ZNF248: variants seen among roughly 807,000 people sequenced by gnomAD.
ZNF248 encodes the protein zinc finger protein 248.
ZNF248 carries 20 observed loss-of-function variants against 44.3 expected under a neutral mutation model. That is an observed-to-expected ratio of 0.45 (90% CI 0.32 to 0.66). ZNF248 has a LOEUF of 0.66. Ranked by LOEUF, ZNF248 falls within the 30% of genes least tolerant of loss-of-function variation. The probability of loss-of-function intolerance (pLI) is 0.04; values close to 1 mark genes in which losing one functional copy is unlikely to be tolerated. For missense variants in ZNF248, 654 were observed against 677.0 expected, an observed-to-expected ratio of 0.97 and a Z score of 0.38; for synonymous variants, 224 against 229.0, an observed-to-expected ratio of 0.98 and a Z score of 0.20.
chr10:37,771,340 C>T, the ZNF248 span, among the ~76,000 whole-genome samples: 1 of 152,148 alleles, frequency 6.6e-6, no homozygotes, highest in Non-Finnish European at 1.5e-5. Flanking sequence ...TATTGCAGCA[C>T]TATTCACAAT....
chr10:37,856,246 T>A (rs575327310), intron 3 of ZNF248, 50 bp downstream of exon 3: 9 of 1,595,176 alleles, frequency 5.6e-6, no homozygotes, highest in Non-Finnish European at 6.9e-6. Flanking sequence ...CTTATAAACT[T>A]CAGAAATCCA....
At chr10:37,772,072 A>G (rs1742239), downstream of ZNF248, among the ~76,000 whole-genome samples, 114,490 of 152,038 alleles carry the variant, frequency 0.75, 44,293 homozygotes, top group African/African-American at 0.94. Flanking sequence ...CGAGACCAGC[A>G]TGACCAACAT....
chr10:37,837,792 C>T, intron 4 of ZNF248, 80 bp from the exon 5 acceptor site: 2 of 1,417,376 alleles, frequency 1.4e-6, no homozygotes, highest in Non-Finnish European at 1.9e-6. Flanking sequence ...GGAAGAAAGG[C>T]ACAGCTTCAC....
Position 37,813,135 on chromosome 10 carries a change from T to C in ZNF248, c.330+19890A>G, listed in dbSNP as rs374966460. On this transcript the variant is annotated intron_variant, in intron 6 of 6. Coordinates refer to the ZNF248 transcript ENST00000615949. ...CACAACAGAGGAATTAACAGATGAC[T>C]TGACAGAGATGAGCACTTCCAAAGC... is the stretch of plus-strand genomic sequence containing the variant. Among the ~76,000 whole-genome samples, 13 of 152,058 alleles carry C rather than the reference T, an allele frequency of 8.5e-5. No individual in the cohort carries two copies. In the East Asian group the frequency reaches 9.6e-4, roughly 11 times the overall value.
chr10:37,853,432 T>C (rs1201996175), intron 3 of ZNF248, among the ~76,000 whole-genome samples: 1 of 152,114 alleles, frequency 6.6e-6, no homozygotes, highest in Non-Finnish European at 1.5e-5. Context: ...GGCTGGAATG[T>C]GGTGGCGCAA....
At chr10:37,767,409 G>A in the ZNF248 span, among the ~76,000 whole-genome samples, 1 of 152,236 alleles carries the variant, frequency 6.6e-6, no homozygotes, top group African/African-American at 2.4e-5. Flanking sequence ...AAGCCCATCA[G>A]ACTAACAGCA....
At chr10:37,773,729 CTCTT>C (rs971321709), downstream of ZNF248, among the ~76,000 whole-genome samples, 40 of 152,282 alleles carry the variant, frequency 2.6e-4, no homozygotes, top group African/African-American at 8.9e-4. Flanking sequence ...GTCCTCATCT[CTCTT>C]TCTTATGAAG....
At chr10:37,814,013 T>A (rs1157078306) in intron 6 of ZNF248, among the ~76,000 whole-genome samples, 5 of 152,232 alleles carry the variant, frequency 3.3e-5, no homozygotes, top group African/African-American at 1.2e-4. Context: ...CATTTACATT[T>A]AAAGTAATAA....
At chr10:37,792,725 T>C (rs148889426) in intron 6 of ZNF248, among the ~76,000 whole-genome samples, 1 of 152,120 alleles carries the variant, frequency 6.6e-6, no homozygotes, top group Non-Finnish European at 1.5e-5. Flanking sequence ...AAGAAAACAT[T>C]AGGCAGTCAC....
the ZNF248 span, among the ~76,000 whole-genome samples, chr10:37,763,216 ATATT>A: frequency 6.6e-6 from 1 of 152,220 alleles, no homozygotes; most frequent in African/African-American, 2.4e-5. Flanking sequence ...ACAGCTCTCC[ATATT>A]TATTAGGCAA....
chr10:37,768,873 A>G, the ZNF248 span, among the ~76,000 whole-genome samples: 2 of 152,216 alleles, frequency 1.3e-5, no homozygotes, highest in Non-Finnish European at 2.9e-5. Flanking sequence ...ATAGACTGCT[A>G]GCAAGACTAA....
intron 6 of ZNF248, among the ~76,000 whole-genome samples, chr10:37,781,306 A>G (rs2047298453): frequency 6.6e-6 from 1 of 152,106 alleles, no homozygotes; most frequent in African/African-American, 2.4e-5. Flanking sequence ...ATACTGGACT[A>G]CCTGCTGTTA....
chr10:37,851,803 AAC>A (rs2060297428), intron 3 of ZNF248, among the ~76,000 whole-genome samples: 1 of 146,836 alleles, frequency 6.8e-6, no homozygotes, highest in Non-Finnish European at 1.5e-5. Context: ...AACCAGTGCT[AAC>A]ACCAAGTGAT....
intron 5 of ZNF248, among the ~76,000 whole-genome samples, chr10:37,835,030 A>C (rs1192986573): frequency 6.6e-6 from 1 of 151,974 alleles, no homozygotes; most frequent in Non-Finnish European, 1.5e-5. Context: ...TAAAACTAAA[A>C]AAAGAAAAGA....
chr10:37,838,241 C>T (rs1011190161), intron 3 of ZNF248, 130 bp from the exon 4 acceptor site: 1 of 722,510 alleles, frequency 1.4e-6, no homozygotes, highest in African/African-American at 1.7e-5. Context: ...CTATACTATA[C>T]AGAATACAAA....
chr10:37,789,813 C>A (rs918299182), intron 6 of ZNF248, among the ~76,000 whole-genome samples: 1 of 152,122 alleles, frequency 6.6e-6, no homozygotes, highest in Non-Finnish European at 1.5e-5. Flanking sequence ...TTATATATTT[C>A]TCAATAAACA....
chr10:37,840,029 C>T (rs2058054821), intron 3 of ZNF248, among the ~76,000 whole-genome samples: 1 of 152,116 alleles, frequency 6.6e-6, no homozygotes, highest in African/African-American at 2.4e-5. Context: ...AGCAAGACGG[C>T]TGAAAAATCC....
intron 6 of ZNF248, among the ~76,000 whole-genome samples, chr10:37,777,656 G>C (rs2046748531): frequency 6.7e-6 from 1 of 148,924 alleles, no homozygotes; most frequent in South Asian, 2.2e-4. Context: ...TCTAGCATTA[G>C]GTATATCTCC....
chr10:37,846,645 C>T (rs1302623359), intron 3 of ZNF248, among the ~76,000 whole-genome samples: 1 of 152,092 alleles, frequency 6.6e-6, no homozygotes, highest in Non-Finnish European at 1.5e-5. Context: ...GATCCTGACT[C>T]AAGAAAACAA....
Sources: allele counts gnomAD v4.1 joint callset (sites outside exome capture counted in the v4.1 genomes callset), GRCh38; gene constraint gnomAD v4.1.1; transcripts MANE v1.5; gene names NCBI Gene and HGNC (gene_info 2026-07-23, HGNC 2026-07-21).